Variants in YEATS2 observed in about 807,000 individuals in gnomAD.
YEATS2 encodes the protein YEATS domain-containing protein 2.
Under a neutral mutation model 163.2 loss-of-function variants are expected in YEATS2, and 77 were observed. The ratio of observed to expected loss-of-function variants is 0.47; its 90% CI spans 0.39 to 0.57. YEATS2 has a LOEUF of 0.57. YEATS2 is among the 20% of genes least tolerant of loss of function. The probability of loss-of-function intolerance (pLI) is 0.00; values close to 1 mark genes in which losing one functional copy is unlikely to be tolerated. For missense variants in YEATS2, 1,549 were observed against 1,729.8 expected, an observed-to-expected ratio of 0.90 and a Z score of 1.85; for synonymous variants, 631 against 645.1, an observed-to-expected ratio of 0.98 and a Z score of 0.33.
At chr3:183,786,390 C>A in intron 20 of YEATS2, 89 bp downstream of exon 20, 3 of 1,284,472 alleles carry the variant, frequency 2.3e-6, no homozygotes, top group Non-Finnish European at 2.1e-6. Context: ...CACCAGTGGA[C>A]CTTTTAAAAA....
intron 15 of YEATS2, among the ~76,000 whole-genome samples, chr3:183,771,890 C>G (rs1722515994): frequency 1.3e-5 from 2 of 151,848 alleles, no homozygotes; most frequent in African/African-American, 4.8e-5. Context: ...CCATGCCCAG[C>G]TAATTTTTGT....
chr3:183,699,670 C>T (rs1361785416), intron 1 of YEATS2, among the ~76,000 whole-genome samples: 1 of 151,216 alleles, frequency 6.6e-6, no homozygotes, highest in Non-Finnish European at 1.5e-5. Context: ...TCAAATACCT[C>T]TAGGTCTGGT....
intron 1 of YEATS2, among the ~76,000 whole-genome samples, chr3:183,714,491 C>T (rs1715621486): frequency 6.6e-6 from 1 of 151,808 alleles, no homozygotes; most frequent in South Asian, 2.1e-4. Flanking sequence ...CCACCGTGCC[C>T]GGCCGGGATT....
chr3:183,751,329 T>A (rs1720143063), intron 9 of YEATS2, among the ~76,000 whole-genome samples: 1 of 152,244 alleles, frequency 6.6e-6, no homozygotes, highest in Non-Finnish European at 1.5e-5. Flanking sequence ...TTGATTACTA[T>A]GGCTTTGTAA....
At position 183,803,301 on chromosome 3, in the gene YEATS2, A is replaced by G. The variant is rs774183344; in HGVS notation, c.3548A>G (p.Tyr1183Cys). The G allele has an allele frequency of 6.8e-6, 11 of 1,611,764 alleles. No homozygotes were observed. Among genetic ancestry groups the G allele is most frequent in the Non-Finnish European group, 9.3e-6 (11 of 1,179,850 alleles). The change falls in exon 26 of 31, where the codon TAT becomes TGT. Residue 1183 changes from tyrosine (Y) to cysteine (C), a missense_variant. Physicochemically the swap from Tyr to Cys is radical, Grantham distance 194 (BLOSUM62 -2). Coordinates refer to ENST00000305135, the MANE Select transcript of YEATS2 (RefSeq NM_018023.5). ...TCTGCAAAGTCTGTGGAGCAGTACTATGGCTGGAACATTGGAAAAAGGAGA... is the reference window on the plus strand; with the variant it reads ...TCTGCAAAGTCTGTGGAGCAGTACTGTGGCTGGAACATTGGAAAAAGGAGA... The part of the protein sequence containing the change: ...CFSAKSVEQY[Y>C]GWNIGKRRAA...
Position 183,782,503 on chromosome 3 carries a change from G to A in YEATS2, c.2737-3622G>A, listed in dbSNP as rs907867194. Among the ~76,000 whole-genome samples, 5 of 150,512 alleles carry A rather than the reference G, an allele frequency of 3.3e-5. 1 individual carries two copies. The highest frequency in any genetic ancestry group is 6.9e-3 in the Middle Eastern group (2 of 288). On this transcript the variant is annotated intron_variant, in intron 19 of 30. Coordinates refer to ENST00000305135, the MANE Select transcript of YEATS2 (RefSeq NM_018023.5). ...CAATGGCGTGATCTCAGCTCACTAC[G>A]ACCTCTGTCTCCTGGGTTCAAGTGA... is the stretch of plus-strand genomic sequence containing the variant.
At chr3:183,740,374 CAG>C (rs1401970376) in intron 8 of YEATS2, among the ~76,000 whole-genome samples, 13 of 152,270 alleles carry the variant, frequency 8.5e-5, no homozygotes, top group African/African-American at 1.4e-4. Flanking sequence ...CACTGGTCAT[CAG>C]AGAAATGCAA....
rs956958940 is a variant in YEATS2, at chr3:183,773,711, C to G, written c.2285C>G (p.Thr762Ser). The G allele has an allele frequency of 1.2e-6, 2 of 1,613,664 alleles. No homozygotes were observed. Among genetic ancestry groups the G allele is most frequent in the Non-Finnish European group, 1.7e-6 (2 of 1,179,908 alleles). Residue 762 changes from threonine (T) to serine (S), a missense_variant, in exon 17 of 31, where the codon ACT (threonine) becomes AGT (serine). By Grantham distance (58) the Thr-to-Ser change is moderately conservative. Transcript: ENST00000305135. ...NLPPGTKLYL[T>S]TNSKNPSGKG... is the part of the protein sequence containing the mutation. ...CCTCCTGGCACTAAACTCTACCTAA[C>G]TACAAACAGCAAGAACCCTTCAGGA...
chr3:183,733,966 C>G (rs777111380), intron 7 of YEATS2, among the ~76,000 whole-genome samples: 1 of 152,066 alleles, frequency 6.6e-6, no homozygotes, highest in African/African-American at 2.4e-5. Flanking sequence ...GTCTTCCTGC[C>G]CTTGGTGTGT....
At chr3:183,741,592 G>C (rs1367026807) in intron 8 of YEATS2, among the ~76,000 whole-genome samples, 1 of 151,884 alleles carries the variant, frequency 6.6e-6, no homozygotes, top group Non-Finnish European at 1.5e-5. Flanking sequence ...GACCAGCCTG[G>C]CCAACGTGGC....
At chr3:183,804,283 A>G in intron 27 of YEATS2, 95 bp downstream of exon 27, 1 of 1,461,526 alleles carries the variant, frequency 6.8e-7, no homozygotes, top group Non-Finnish European at 9.3e-7. Flanking sequence ...TGCTGTAGAG[A>G]ACGAGAGCCT....
Position 183,721,872 on chromosome 3 carries a change from T to C in YEATS2, c.292-19T>C, listed in dbSNP as rs1716526143. ...TGGATTTGATTAAAAATTTATTTGC[T>C]TGCTTTCATTTTTTGTAGGGATCAA... On this transcript the variant is annotated intron_variant, in intron 4 of 30. Transcript: ENST00000305135. 1.9e-6 allele frequency: 3 copies of C among 1,608,472 alleles called. No individual in the cohort carries two copies. The highest frequency in any genetic ancestry group is 1.7e-4 in the Middle Eastern group (1 of 6,024).
chr3:183,754,363 C>A lies in YEATS2; in HGVS notation c.1388C>A (p.Ser463Ter). 1 of 1,611,668 alleles carries A rather than the reference C, an allele frequency of 6.2e-7. No homozygotes were observed. Among genetic ancestry groups the A allele is most frequent in the South Asian group, 1.1e-5 (1 of 90,906 alleles). The change falls in exon 11 of 31, where the codon TCA becomes TAA. Residue 463 changes from serine to a stop codon, truncating the protein, a stop_gained and splice_region_variant. Coordinates refer to ENST00000305135, the MANE Select transcript of YEATS2 (RefSeq NM_018023.5). LOFTEE classifies it high-confidence loss of function. ...ATCACCATGAGCTGCAAGATTGTGT[C>A]AGGTATGCAGATGTTTTGAAGACAG... ...QPITMSCKIV[S>*]GSPISTPSPS...
intron 7 of YEATS2, among the ~76,000 whole-genome samples, chr3:183,731,808 C>G (rs1367574887): frequency 6.6e-6 from 1 of 152,198 alleles, no homozygotes; most frequent in Non-Finnish European, 1.5e-5. Flanking sequence ...TCAGCCTGAT[C>G]TGTGCCACTC....
intron 21 of YEATS2, among the ~76,000 whole-genome samples, chr3:183,791,607 A>C (rs985534137): frequency 3.2e-4 from 49 of 152,182 alleles, no homozygotes; most frequent in Non-Finnish European, 6.0e-4. Context: ...TGCTTTCCTT[A>C]AAGTACTAAT....
intron 1 of YEATS2, among the ~76,000 whole-genome samples, chr3:183,709,052 C>CA (rs1577031781): frequency 6.6e-6 from 1 of 151,936 alleles, no homozygotes; most frequent in African/African-American, 2.4e-5. Flanking sequence ...CCCAGCTACT[C>CA]AGACAGTTGA....
chr3:183,707,101 T>C (rs986377444), intron 1 of YEATS2, among the ~76,000 whole-genome samples: 1 of 152,218 alleles, frequency 6.6e-6, no homozygotes, highest in Admixed American at 6.5e-5. Context: ...TTACTATGTA[T>C]ATGCAAATAT....
At position 183,762,133 on chromosome 3, in the gene YEATS2, G is replaced by A. The variant is rs367957694; in HGVS notation, c.1801G>A (p.Val601Met). ...IKQEPGEAPH[V>M]PATGAASQSP... ...ACAGGAACCTGGTGAAGCCCCTCAC[G>A]TGCCCGCAACAGGAGCTGCCAGCCA... is the stretch of plus-strand genomic sequence containing the variant. The change falls in exon 15 of 31, where the codon GTG becomes ATG. Residue 601 changes from valine to methionine, a missense_variant. Val to Met is a conservative substitution (Grantham distance 21, BLOSUM62 1). Transcript: ENST00000305135. The A allele has an allele frequency of 3.1e-5, 50 of 1,613,980 alleles. No homozygotes were observed. The highest frequency in any genetic ancestry group is 1.5e-4 in the Admixed American group (9 of 59,988).
chr3:183,767,909 G>T (rs961901948), intron 15 of YEATS2, among the ~76,000 whole-genome samples: 1 of 152,190 alleles, frequency 6.6e-6, no homozygotes, highest in Non-Finnish European at 1.5e-5. Context: ...AGCAAGTCAG[G>T]TGCATGTAAT....
Sources: allele counts gnomAD v4.1 joint callset (sites outside exome capture counted in the v4.1 genomes callset), GRCh38; gene constraint gnomAD v4.1.1; transcripts MANE v1.5; gene names NCBI Gene and HGNC (gene_info 2026-07-23, HGNC 2026-07-21).